Variants in LRRIQ3 observed in about 807,000 individuals in gnomAD.
The protein encoded by LRRIQ3 is leucine-rich repeat and IQ domain-containing protein 3.
In LRRIQ3, 75 loss-of-function variants were observed where a neutral mutation model predicts 59.3. The ratio of observed to expected loss-of-function variants is 1.26; its 90% CI spans 1.05 to 1.53. The LOEUF (loss-of-function observed/expected upper bound fraction) is 1.53, where lower values mean the gene tolerates loss of function less well. LRRIQ3 is among the 40% of genes most tolerant of loss of function. The pLI, the probability that LRRIQ3 is intolerant of heterozygous loss-of-function variation, is 0.00. For synonymous variants in LRRIQ3, 250 were observed against 231.3 expected (o/e 1.08, Z -0.73); for missense variants, 831 against 710.0 (o/e 1.17, Z -1.94).
intron 1 of LRRIQ3, among the ~76,000 whole-genome samples, chr1:74,193,280 A>G (rs1650884926): frequency 6.6e-6 from 1 of 152,194 alleles, no homozygotes; most frequent in Non-Finnish European, 1.5e-5. Flanking sequence ...TACAGAACGT[A>G]TCAAGTCTCC....
At chr1:74,184,041 C>A (rs1650193071) in intron 1 of LRRIQ3, among the ~76,000 whole-genome samples, 1 of 151,944 alleles carries the variant, frequency 6.6e-6, no homozygotes, top group Non-Finnish European at 1.5e-5. Flanking sequence ...CTTTATATAA[C>A]TCGTATGATA....
intron 7 of LRRIQ3, among the ~76,000 whole-genome samples, chr1:74,035,745 T>C (rs1490811371): frequency 2.6e-5 from 4 of 152,122 alleles, no homozygotes; most frequent in African/African-American, 9.7e-5. Context: ...TTTAATCAAG[T>C]TGATGTTTCT....
At chr1:74,134,021 T>A (rs1269213658) in intron 4 of LRRIQ3, among the ~76,000 whole-genome samples, 1 of 151,960 alleles carries the variant, frequency 6.6e-6, no homozygotes, top group African/African-American at 2.4e-5. Flanking sequence ...ATGAGAGTAT[T>A]TTTTGATTCC....
chr1:74,139,422 C>T (rs1647192052), intron 4 of LRRIQ3, among the ~76,000 whole-genome samples: 1 of 151,794 alleles, frequency 6.6e-6, no homozygotes, highest in South Asian at 2.1e-4. Flanking sequence ...CTTTTTCTCA[C>T]CATAACAACC....
At chr1:74,040,751 G>A (rs929184997) in intron 7 of LRRIQ3, among the ~76,000 whole-genome samples, 6 of 152,156 alleles carry the variant, frequency 3.9e-5, no homozygotes, top group African/African-American at 1.4e-4. Flanking sequence ...TGAGAACAAA[G>A]ACACAACATA....
chr1:74,180,804 C>T, intron 3 of LRRIQ3: 1 of 1,548,664 alleles, frequency 6.5e-7, no homozygotes, highest in South Asian at 1.2e-5. Flanking sequence ...TTTCCACATC[C>T]AAGGAAACAA....
intron 1 of LRRIQ3, 65 bp from the exon 2 acceptor site, chr1:74,183,749 CAA>C (rs2100727583): frequency 7.1e-7 from 1 of 1,401,540 alleles, no homozygotes. Context: ...TGAAAACAAA[CAA>C]AATTTTGCCA....
At chr1:74,078,373 A>G (rs943104797) in intron 5 of LRRIQ3, among the ~76,000 whole-genome samples, 2 of 151,922 alleles carry the variant, frequency 1.3e-5, no homozygotes, top group Admixed American at 1.3e-4. Flanking sequence ...AGTAAAAAAA[A>G]CAAAATCAAT....
intron 7 of LRRIQ3, among the ~76,000 whole-genome samples, chr1:74,031,309 A>C (rs574312040): frequency 8.1e-4 from 124 of 152,318 alleles, no homozygotes; most frequent in Non-Finnish European, 1.4e-3. Flanking sequence ...AGACACATGC[A>C]CACGTTTGTT....
At chr1:74,166,861 C>T (rs1242918493) in intron 3 of LRRIQ3, among the ~76,000 whole-genome samples, 1 of 151,752 alleles carries the variant, frequency 6.6e-6, no homozygotes. Context: ...TGCTTAACAT[C>T]ACTAATTGTC....
intron 7 of LRRIQ3, among the ~76,000 whole-genome samples, chr1:74,029,148 C>T (rs916299978): frequency 1.2e-4 from 18 of 151,978 alleles, no homozygotes; most frequent in Admixed American, 6.6e-4. Flanking sequence ...TATACAATCA[C>T]GTCATCTGCA....
At chr1:74,195,044 A>T (rs7535418) in intron 1 of LRRIQ3, among the ~76,000 whole-genome samples, 47,090 of 151,902 alleles carry the variant, frequency 0.31, 9,078 homozygotes, top group East Asian at 0.73. Flanking sequence ...AGTATAATAA[A>T]AGTTCAGGGG....
At chr1:74,169,697 G>A (rs1423305976) in intron 3 of LRRIQ3, among the ~76,000 whole-genome samples, 1 of 151,996 alleles carries the variant, frequency 6.6e-6, no homozygotes, top group Non-Finnish European at 1.5e-5. Context: ...GACTACAAGT[G>A]CACGCCACAC....
chr1:74,183,670 TG>T lies in LRRIQ3; in HGVS notation c.14del (p.Thr5LysfsTer6), dbSNP rs747208752. On this transcript the variant is annotated frameshift_variant, in exon 2 of 8. Coordinates refer to ENST00000354431, the MANE Select transcript of LRRIQ3 (RefSeq NM_001105659.2). LOFTEE classifies it high-confidence loss of function. MFHG[T>X]VTEELTSHEE... ...CATGACTGGTTAGCTCTTCTGTGAC[TG>T]TTCCATGAAACATCTAGGAAAGATA... is the stretch of plus-strand genomic sequence containing the variant. 6.4e-7 allele frequency: 1 copy of T among 1,566,856 alleles called. No individual in the cohort carries two copies. The highest frequency in any genetic ancestry group is 2.3e-5 in the East Asian group (1 of 43,136).
In LRRIQ3 at chr1:74,064,199, C is replaced by A. The variant is rs1048544824; in HGVS notation, c.997+10462G>T. Among the ~76,000 whole-genome samples, 11 of 151,854 alleles carry A rather than the reference C, an allele frequency of 7.2e-5. No homozygotes were observed. In the South Asian group the frequency reaches 1.5e-3, roughly 20 times the overall value. Reference sequence around the variant, plus strand: ...TAGAAAGTTGATGAAAAGTGGAGAGCAAGTATATATAGTCATAGAGCTTGT... The same window carrying A: ...TAGAAAGTTGATGAAAAGTGGAGAGAAAGTATATATAGTCATAGAGCTTGT... On this transcript the variant is annotated intron_variant, in intron 6 of 7. Coordinates refer to ENST00000354431, the MANE Select transcript of LRRIQ3 (RefSeq NM_001105659.2).
intron 1 of LRRIQ3, among the ~76,000 whole-genome samples, chr1:74,192,896 T>C (rs1055296914): frequency 3.9e-5 from 6 of 152,294 alleles, no homozygotes; most frequent in Non-Finnish European, 7.4e-5. Context: ...AACTACCACA[T>C]GCAGCATTTC....
At chr1:74,116,597 T>C (rs1646779920) in intron 4 of LRRIQ3, among the ~76,000 whole-genome samples, 1 of 152,104 alleles carries the variant, frequency 6.6e-6, no homozygotes, top group African/African-American at 2.4e-5. Flanking sequence ...AATTTTTAAG[T>C]TTTCCTCAAA....
At chr1:74,050,740 A>T (rs2100415061) in intron 6 of LRRIQ3, among the ~76,000 whole-genome samples, 1 of 152,330 alleles carries the variant, frequency 6.6e-6, no homozygotes, top group Non-Finnish European at 1.5e-5. Flanking sequence ...TGAAGCAAAG[A>T]ACAGGAAAAT....
At chr1:74,152,748 G>A (rs2100660799) in intron 4 of LRRIQ3, among the ~76,000 whole-genome samples, 1 of 152,196 alleles carries the variant, frequency 6.6e-6, no homozygotes, top group East Asian at 1.9e-4. Flanking sequence ...ATTCCTTACT[G>A]AAAGGACTAG....
Sources: allele counts gnomAD v4.1 joint callset (sites outside exome capture counted in the v4.1 genomes callset), GRCh38; gene constraint gnomAD v4.1.1; transcripts MANE v1.5; gene names NCBI Gene and HGNC (gene_info 2026-07-23, HGNC 2026-07-21).